The following SMYD3 variants were observed in gnomAD, a reference collection of about 807,000 sequenced individuals.
SMYD3 encodes histone-lysine N-methyltransferase SMYD3.
Under a neutral mutation model 57.7 loss-of-function variants are expected in SMYD3, and 36 were observed. The ratio of observed to expected loss-of-function variants is 0.62; its 90% confidence interval spans 0.48 to 0.82. The LOEUF (loss-of-function observed/expected upper bound fraction) is 0.82. Ranked by LOEUF, SMYD3 falls within the 40% of genes least tolerant of loss-of-function variation. The pLI, the probability that SMYD3 is intolerant of heterozygous loss-of-function variation, is 0.00. For missense variants in SMYD3, 515 were observed against 538.8 expected (o/e 0.96, Z 0.44); for synonymous variants, 211 against 195.0 (o/e 1.08, Z -0.68).
chr1:246,166,836 T>C lies in SMYD3; in HGVS notation c.531+160365A>G, dbSNP rs144564571. ...CTATTTTAAGAACAATTCAGTAACATTGAGTGCATTCACAATGATAAACGA... is the reference window on the plus strand; with the variant it reads ...CTATTTTAAGAACAATTCAGTAACACTGAGTGCATTCACAATGATAAACGA... On this transcript the variant is annotated intron_variant, in intron 5 of 11. Coordinates refer to ENST00000490107, the MANE Select transcript of SMYD3 (RefSeq NM_001167740.2). 1.6e-4 allele frequency among the ~76,000 whole-genome samples: 24 copies of C among 152,300 alleles called. No homozygotes were observed. The East Asian group carries it at 3.3e-3, about 21-fold the overall frequency.
In SMYD3 at chr1:245,858,637, A is replaced by G. The variant is rs1375170733; in HGVS notation, c.935T>C (p.Ile312Thr). The G allele has an allele frequency of 2.5e-6, 4 of 1,614,138 alleles. No individual in the cohort carries two copies. Among genetic ancestry groups the G allele is most frequent in the Non-Finnish European group, 3.4e-6 (4 of 1,180,046 alleles). The part of the protein sequence containing the change: ...WEQVLAMCQA[I>T]ISSNSERLPD... ...AAGCCGTTCAGAATTGCTGCTTATG[A>G]TTGCCTGGCACATGGCCAGAACCTG... is the stretch of plus-strand genomic sequence containing the variant. Residue 312 changes from isoleucine (I) to threonine (T), a missense_variant, in exon 10 of 12, where the codon ATC (isoleucine) becomes ACC (threonine). Transcript: ENST00000490107.
intron 1 of SMYD3, among the ~76,000 whole-genome samples, chr1:246,455,286 A>T (rs1378046593): frequency 2.0e-5 from 3 of 152,210 alleles, no homozygotes; most frequent in Non-Finnish European, 4.4e-5. Context: ...AGAGAATTGG[A>T]AAACCACCAC....
intron 10 of SMYD3, among the ~76,000 whole-genome samples, chr1:245,771,816 T>A (rs1437289164): frequency 6.6e-6 from 1 of 151,906 alleles, no homozygotes; most frequent in Non-Finnish European, 1.5e-5. Flanking sequence ...TAATATGATA[T>A]ATTTTTGTTG....
chr1:246,422,061 G>A (rs1231156010), intron 1 of SMYD3, among the ~76,000 whole-genome samples: 1 of 152,136 alleles, frequency 6.6e-6, no homozygotes, highest in Admixed American at 6.5e-5. Context: ...CCTTAGCCCA[G>A]TTAACCATCA....
At position 245,993,650 on chromosome 1, in the gene SMYD3, A is replaced by G. The variant is rs536998796; in HGVS notation, c.532-63713T>C. The stretch of plus-strand genomic sequence containing the variant: ...GATAGATAGACAGACAGACAGACAG[A>G]CAGACAGACAGACAGATATAGATTC... On this transcript the variant is annotated intron_variant, in intron 5 of 11. Coordinates refer to ENST00000490107, the MANE Select transcript of SMYD3 (RefSeq NM_001167740.2). Among the ~76,000 whole-genome samples the G allele has an allele frequency of 2.2e-3, 331 of 148,752 alleles. 4 individuals are homozygous for G. Among genetic ancestry groups the G allele is most frequent in the African/African-American group, 7.2e-3 (291 of 40,274 alleles).
intron 1 of SMYD3, among the ~76,000 whole-genome samples, chr1:246,358,188 TA>T (rs141479235): frequency 0.044 from 6,646 of 152,188 alleles, 182 homozygotes; most frequent in Non-Finnish European, 0.056. Flanking sequence ...AAACAGACTT[TA>T]AAGCAAAAGC....
At chr1:246,353,456 G>A (rs1310942248) in intron 2 of SMYD3, among the ~76,000 whole-genome samples, 3 of 152,074 alleles carry the variant, frequency 2.0e-5, no homozygotes, top group African/African-American at 7.2e-5. Context: ...CTTGAACCCA[G>A]GATTTCAAGA....
At chr1:245,793,212 G>T (rs1035700656) in intron 10 of SMYD3, among the ~76,000 whole-genome samples, 12 of 151,790 alleles carry the variant, frequency 7.9e-5, no homozygotes, top group Middle Eastern at 3.2e-3. Context: ...GGGAGGCTGA[G>T]GCAGGAGAAT....
chr1:246,470,746 G>A (rs1385573550), intron 1 of SMYD3, among the ~76,000 whole-genome samples: 3 of 151,514 alleles, frequency 2.0e-5, no homozygotes, highest in Non-Finnish European at 2.9e-5. Context: ...CTGGATCTTG[G>A]ACTAAAGGAA....
At chr1:245,795,833 T>A (rs1446409328) in intron 10 of SMYD3, among the ~76,000 whole-genome samples, 1 of 152,204 alleles carries the variant, frequency 6.6e-6, no homozygotes, top group Non-Finnish European at 1.5e-5. Flanking sequence ...TCTCGGCCTT[T>A]TAATTTCAGC....
chr1:245,919,779 C>G (rs548934970), intron 7 of SMYD3, among the ~76,000 whole-genome samples: 1 of 152,134 alleles, frequency 6.6e-6, no homozygotes, highest in African/African-American at 2.4e-5. Flanking sequence ...GGCCATTGAT[C>G]AGTAGACACC....
At chr1:246,188,724 G>T (rs1314807941) in intron 5 of SMYD3, among the ~76,000 whole-genome samples, 1 of 152,058 alleles carries the variant, frequency 6.6e-6, no homozygotes, top group Non-Finnish European at 1.5e-5. Context: ...ACTTTGGGGG[G>T]CCAAAGTGGG....
chr1:245,813,355 G>T (rs1021246483), intron 10 of SMYD3, among the ~76,000 whole-genome samples: 1 of 152,066 alleles, frequency 6.6e-6, no homozygotes, highest in Non-Finnish European at 1.5e-5. Context: ...TAGATAAAAT[G>T]TATAAGGGTC....
At chr1:245,951,761 C>G (rs1459731260) in intron 5 of SMYD3, among the ~76,000 whole-genome samples, 3 of 151,762 alleles carry the variant, frequency 2.0e-5, no homozygotes, top group Non-Finnish European at 4.4e-5. Context: ...TTCAACCAGT[C>G]ACCCTACTCT....
At chr1:245,990,920 C>T (rs538505144) in intron 5 of SMYD3, among the ~76,000 whole-genome samples, 1 of 152,336 alleles carries the variant, frequency 6.6e-6, no homozygotes, top group East Asian at 1.9e-4. Flanking sequence ...CTGGCATCTA[C>T]ACTAGTCCCT....
intron 5 of SMYD3, among the ~76,000 whole-genome samples, chr1:246,043,109 C>A (rs1012296063): frequency 6.6e-6 from 1 of 150,924 alleles, no homozygotes; most frequent in African/African-American, 2.5e-5. Flanking sequence ...AACACCTGCA[C>A]TTAAGTATGC....
chr1:246,261,393 A>G (rs2064009903), intron 5 of SMYD3, among the ~76,000 whole-genome samples: 1 of 151,296 alleles, frequency 6.6e-6, no homozygotes, highest in South Asian at 2.1e-4. Flanking sequence ...CCTTATAGTC[A>G]CAGCATTTTA....
chr1:246,366,168 C>T (rs1169386084), intron 1 of SMYD3, among the ~76,000 whole-genome samples: 2 of 152,062 alleles, frequency 1.3e-5, no homozygotes, highest in South Asian at 2.1e-4. Flanking sequence ...ACCAAAAAAA[C>T]GCTATAATAA....
chr1:246,019,854 T>C (rs1288211322), intron 5 of SMYD3, among the ~76,000 whole-genome samples: 1 of 152,208 alleles, frequency 6.6e-6, no homozygotes, highest in East Asian at 1.9e-4. Context: ...AAATTGTTGC[T>C]TTCTTGGAAC....
Sources: allele counts gnomAD v4.1 joint callset (sites outside exome capture counted in the v4.1 genomes callset), GRCh38; gene constraint gnomAD v4.1.1; transcripts MANE v1.5; gene names NCBI Gene and HGNC (gene_info 2026-07-23, HGNC 2026-07-21).